RPL28: variants seen among roughly 807,000 people sequenced by gnomAD.
The protein encoded by RPL28 is large ribosomal subunit protein eL28.
Under a neutral mutation model 12.5 loss-of-function variants are expected in RPL28, and 4 were observed. The ratio of observed to expected loss-of-function variants is 0.32; its 90% CI spans 0.16 to 0.73. The LOEUF is 0.73. RPL28 is among the 30% of genes least tolerant of loss of function. The pLI, the probability that RPL28 is intolerant of heterozygous loss-of-function variation, is 0.66. For synonymous variants in RPL28, 91 were observed against 72.5 expected (o/e 1.26, Z -1.30); for missense variants, 214 against 197.7 (o/e 1.08, Z -0.49).
In RPL28 at chr19:55,391,690, T is replaced by C. The variant is rs1417485181; in HGVS notation, c.*3358T>C. On this transcript the variant is annotated 3_prime_UTR_variant, in exon 5 of 5. Transcript: ENST00000344063. ...GATAGACCCTACTACTCAGGGTTGATGAGAAGATTAAATGTGCAAAACCTG... is the reference window on the plus strand; with the variant it reads ...GATAGACCCTACTACTCAGGGTTGACGAGAAGATTAAATGTGCAAAACCTG... The C allele has an allele frequency of 5.2e-6, 8 of 1,538,508 alleles. No homozygotes were observed. The highest frequency in any genetic ancestry group is 2.5e-5 in the East Asian group (1 of 40,586).
intron 4 of RPL28, among the ~76,000 whole-genome samples, chr19:55,398,315 C>T (rs1045359810): frequency 2.6e-5 from 4 of 152,300 alleles, no homozygotes; most frequent in African/African-American, 9.6e-5. Flanking sequence ...AAGGGAACCT[C>T]GATGTAAATG....
chr19:55,396,782 G>A (rs187524993), downstream of RPL28, among the ~76,000 whole-genome samples: 1,169 of 149,420 alleles, frequency 7.8e-3, 20 homozygotes, highest in African/African-American at 0.026. Context: ...GGGTTTCACC[G>A]TGTTAGCCAG....
chr19:55,389,864 A>G lies in RPL28; in HGVS notation c.*1532A>G, dbSNP rs1310823624. The G allele has an allele frequency of 1.0e-6, 1 of 984,412 alleles. No homozygotes were observed. Among genetic ancestry groups the G allele is most frequent in the South Asian group, 4.7e-5 (1 of 21,228 alleles). The allele number at this position is 984,412 out of a possible 1,614,324, so 61.0% of individuals were successfully genotyped here. A position where few individuals can be genotyped will look rare whatever the true frequency, so the allele number is the denominator to read the frequency against. The stretch of plus-strand genomic sequence containing the variant: ...CTCAGGCCCACCTCCAGCTGGCCTC[A>G]CTCCGCTGGTGACTTCGTACCTGCT... On this transcript the variant is annotated 3_prime_UTR_variant, in exon 5 of 5. Transcript: ENST00000344063.
rs1011606682 is a variant in RPL28, at chr19:55,387,964, C to G, written c.240C>G (p.Thr80=). 3.7e-6 allele frequency: 6 copies of G among 1,602,644 alleles called. No individual in the cohort carries two copies. The highest frequency in any genetic ancestry group is 5.1e-6 in the Non-Finnish European group (6 of 1,174,370). ...AGCCTGCCACCTCCTATGTGCGGAC[C>G]ACCATCAACAAGAATGCTCGCGCCA... ...QRKPATSYVR[T]TINKNARATL... is the part of the protein sequence containing the mutation. Residue 80 remains threonine (T), a synonymous_variant, in exon 4 of 5, where the codon ACC becomes ACG. Transcript: ENST00000344063.
rs1569043426 is a variant in RPL28, at chr19:55,391,549, C to A, written c.*3217C>A. ...ACTCGGGACTGAGGCATCCTCTGTT[C>A]ACAGGACATGCTGGCATCTACTGGG... On this transcript the variant is annotated 3_prime_UTR_variant, in exon 5 of 5. Coordinates refer to ENST00000344063, the MANE Select transcript of RPL28 (RefSeq NM_000991.5). 3 of 1,527,268 alleles carry A rather than the reference C, an allele frequency of 2.0e-6. No homozygotes were observed. The highest frequency in any genetic ancestry group is 2.7e-6 in the Non-Finnish European group (3 of 1,128,288). 94.6% of individuals were successfully genotyped at this position (1,527,268 alleles called of 1,614,324 possible). A position where few individuals can be genotyped will look rare whatever the true frequency, so the allele number is the denominator to read the frequency against.
downstream of RPL28, among the ~76,000 whole-genome samples, chr19:55,394,461 G>A (rs1248141461): frequency 2.6e-5 from 4 of 151,798 alleles, no homozygotes; most frequent in Non-Finnish European, 5.9e-5. Context: ...AGGTCTCACT[G>A]TGTTACCCAG....
At chr19:55,397,922 G>A (rs563146814) in intron 4 of RPL28, among the ~76,000 whole-genome samples, 7 of 152,180 alleles carry the variant, frequency 4.6e-5, no homozygotes, top group Middle Eastern at 6.8e-3. Context: ...GAGGTTGGGC[G>A]TGGTGGCTCA....
chr19:55,403,331 A>AT (rs1259482800), downstream of RPL28: 4 of 530,052 alleles, frequency 7.5e-6, no homozygotes, highest in Admixed American at 3.5e-5. Context: ...AACCATAAAA[A>AT]TATAAAAACT....
chr19:55,396,156 A>G (rs2123297363), downstream of RPL28, among the ~76,000 whole-genome samples: 2 of 151,346 alleles, frequency 1.3e-5, no homozygotes, highest in South Asian at 4.2e-4. Flanking sequence ...CCGTAGTTCC[A>G]GTTCCTTGGG....
In RPL28 at chr19:55,390,658, AAC is replaced by A; in HGVS notation, c.*2330_*2331del. On this transcript the variant is annotated 3_prime_UTR_variant, in exon 5 of 5. Coordinates refer to ENST00000344063, the MANE Select transcript of RPL28 (RefSeq NM_000991.5). ...TGTGGCCTCCCCTGGTCTCATCCGT[AAC>A]ACAGCCCAGCTTAGTGGGCCTCTGT... The A allele has an allele frequency of 1.0e-6, 1 of 985,444 alleles. No homozygotes were observed. Among genetic ancestry groups the A allele is most frequent in the East Asian group, 1.1e-4 (1 of 8,802 alleles). 61.0% of individuals were successfully genotyped at this position (985,444 alleles called of 1,614,324 possible).
chr19:55,400,840 C>T (rs2090051730), intron 4 of RPL28: 2 of 152,918 alleles, frequency 1.3e-5, no homozygotes, highest in Non-Finnish European at 2.9e-5. Context: ...AAGGGAAAAA[C>T]CAATCTTTAG....
chr19:55,391,559 G>T lies in RPL28; in HGVS notation c.*3227G>T, dbSNP rs1369681432. The T allele has an allele frequency of 1.3e-6, 2 of 1,535,282 alleles. No individual in the cohort carries two copies. Among genetic ancestry groups the T allele is most frequent in the Non-Finnish European group, 1.8e-6 (2 of 1,133,984 alleles). ...GAGGCATCCTCTGTTCACAGGACAT[G>T]CTGGCATCTACTGGGTCAGGGCTCT... On this transcript the variant is annotated 3_prime_UTR_variant, in exon 5 of 5. Coordinates refer to ENST00000344063, the MANE Select transcript of RPL28 (RefSeq NM_000991.5).
chr19:55,386,842 T>TCGGCCGACTTGTCAGCTCTGTGAGC, intron 3 of RPL28, 149 bp downstream of exon 3: 4 of 1,565,982 alleles, frequency 2.6e-6, no homozygotes, highest in Non-Finnish European at 3.5e-6. Flanking sequence ...GGCTTCCCTC[T>TCGGCCGACTTGTCAGCTCTGTGAGC]CGGCCGACTT....
downstream of RPL28, among the ~76,000 whole-genome samples, chr19:55,393,635 T>G (rs193256555): frequency 0.14 from 20,520 of 145,610 alleles, 1,541 homozygotes; most frequent in Middle Eastern, 0.2. Context: ...CAATTTGTTT[T>G]TTTTTTTTTT....
At chr19:55,399,349 T>C (rs1286456822) in intron 4 of RPL28, among the ~76,000 whole-genome samples, 1 of 152,084 alleles carries the variant, frequency 6.6e-6, no homozygotes, top group African/African-American at 2.4e-5. Flanking sequence ...GTATTTTTAG[T>C]AGAGACAGGG....
intron 3 of RPL28, 34 bp downstream of exon 3, chr19:55,386,727 C>T (rs2089931999): frequency 6.2e-7 from 1 of 1,612,402 alleles, no homozygotes; most frequent in African/African-American, 1.3e-5. Flanking sequence ...AGAGAGCGGC[C>T]CCTTTCCCGG....
At chr19:55,396,494 ACCCCTCCCCTCCCCTCCCCTC>A (rs1569045552), downstream of RPL28, among the ~76,000 whole-genome samples, 1 of 796 alleles carries the variant, frequency 1.3e-3, no homozygotes, top group Non-Finnish European at 2.3e-3. Context: ...TCCCCTCCCC[ACCCCTCCCCTCCCCTCCCCTC>A]CCCACCCCTC....
At chr19:55,386,511 G>A in intron 2 of RPL28, 59 bp from the exon 3 acceptor site, 1 of 1,601,222 alleles carries the variant, frequency 6.2e-7, no homozygotes, top group Admixed American at 1.7e-5. Context: ...TCAGAGGGCG[G>A]GACCTTCGCA....
At chr19:55,402,213 G>A (rs1382777700) in intron 4 of RPL28, among the ~76,000 whole-genome samples, 1 of 152,208 alleles carries the variant, frequency 6.6e-6, no homozygotes, top group African/African-American at 2.4e-5. Context: ...CTTCCCCAGG[G>A]CCTCAGGATT....
Sources: gnomAD v4.1 joint callset for allele counts (sites outside exome capture counted in the v4.1 genomes callset) on GRCh38, gnomAD v4.1.1 for gene constraint, MANE v1.5 for transcripts, NCBI Gene and HGNC (gene_info 2026-07-23, HGNC 2026-07-21) for gene names.